OPCML: variants seen among roughly 807,000 people sequenced by gnomAD.
OPCML encodes the protein opioid binding protein/cell adhesion molecule like.
Under a neutral mutation model 37.8 loss-of-function variants are expected in OPCML, and 13 were observed. The observed-to-expected ratio is 0.34, with a 90% CI of 0.22 to 0.55. OPCML has a LOEUF of 0.55. Among genes scored for constraint, OPCML ranks in the 20% least tolerant of loss-of-function variants. OPCML has a pLI of 0.91. For missense variants in OPCML, 341 were observed against 435.6 expected, an observed-to-expected ratio of 0.78 and a Z score of 1.93; for synonymous variants, 176 against 168.8, an observed-to-expected ratio of 1.04 and a Z score of -0.33.
intron 2 of OPCML, among the ~76,000 whole-genome samples, chr11:132,665,441 G>T (rs1243927500): frequency 6.6e-6 from 1 of 152,154 alleles, no homozygotes; most frequent in African/African-American, 2.4e-5. Flanking sequence ...CTGTGCTGAC[G>T]GCAGCTCAGA....
intron 2 of OPCML, among the ~76,000 whole-genome samples, chr11:132,764,052 G>A (rs1946355429): frequency 6.6e-6 from 1 of 152,358 alleles, no homozygotes; most frequent in Middle Eastern, 3.4e-3. Context: ...AAGTGAGTAT[G>A]TTGAGATGTT....
chr11:133,306,438 C>T (rs58770475), intron 1 of OPCML, among the ~76,000 whole-genome samples: 7,385 of 152,224 alleles, frequency 0.049, 203 homozygotes, highest in Middle Eastern at 0.071. Flanking sequence ...GACGCGGTCA[C>T]TCTAAAATTG....
intron 1 of OPCML, among the ~76,000 whole-genome samples, chr11:133,312,977 T>A (rs946145622): frequency 2.0e-5 from 3 of 152,198 alleles, no homozygotes; most frequent in Non-Finnish European, 4.4e-5. Flanking sequence ...GATGGTAACA[T>A]AAATGAATCA....
chr11:132,804,663 T>G (rs1393448511), intron 2 of OPCML, among the ~76,000 whole-genome samples: 1 of 152,154 alleles, frequency 6.6e-6, no homozygotes, highest in African/African-American at 2.4e-5. Flanking sequence ...AGAGCACGAC[T>G]TATGCTAAAC....
At chr11:132,772,893 C>T (rs1423859839) in intron 2 of OPCML, 1 of 152,210 alleles carries the variant, frequency 6.6e-6, no homozygotes, top group African/African-American at 2.4e-5. Context: ...CAAAGCCCAG[C>T]TCAGCTCTCC....
At chr11:133,450,396 A>G (rs747915450) in intron 1 of OPCML, among the ~76,000 whole-genome samples, 2 of 146,700 alleles carry the variant, frequency 1.4e-5, no homozygotes, top group Non-Finnish European at 3.0e-5. Flanking sequence ...GTACAAATCC[A>G]TTTTTTTTTT....
At chr11:133,189,800 T>C (rs1018057499) in intron 1 of OPCML, among the ~76,000 whole-genome samples, 5 of 152,184 alleles carry the variant, frequency 3.3e-5, no homozygotes, top group African/African-American at 1.2e-4. Context: ...AAGGAACCAG[T>C]TGTCTGAGTA....
chr11:132,558,240 T>C (rs1206687854), intron 3 of OPCML, among the ~76,000 whole-genome samples: 1 of 151,092 alleles, frequency 6.6e-6, no homozygotes, highest in African/African-American at 2.4e-5. Flanking sequence ...CCTCTTTTTC[T>C]TCTTCTTCTT....
intron 1 of OPCML, among the ~76,000 whole-genome samples, chr11:133,293,385 C>T (rs1027595736): frequency 5.3e-5 from 8 of 152,120 alleles, no homozygotes; most frequent in African/African-American, 1.4e-4. Context: ...ACATTGACGG[C>T]GAAGTCCATG....
intron 2 of OPCML, among the ~76,000 whole-genome samples, chr11:132,717,494 T>C (rs1169108153): frequency 2.0e-5 from 3 of 151,970 alleles, no homozygotes; most frequent in African/African-American, 4.8e-5. Context: ...GAAACAAACA[T>C]GTATAAAGCA....
intron 2 of OPCML, among the ~76,000 whole-genome samples, chr11:132,885,416 G>A (rs1943371845): frequency 6.6e-6 from 1 of 152,130 alleles, no homozygotes; most frequent in Non-Finnish European, 1.5e-5. Context: ...TACTTTAGCT[G>A]GAGGTCAAGA....
At chr11:133,417,434 G>T (rs1260420493) in intron 1 of OPCML, among the ~76,000 whole-genome samples, 2 of 152,078 alleles carry the variant, frequency 1.3e-5, no homozygotes, top group African/African-American at 4.8e-5. Context: ...CAAGATCACA[G>T]AGCAAGCAAG....
intron 1 of OPCML, among the ~76,000 whole-genome samples, chr11:133,023,778 A>G (rs1011026101): frequency 6.6e-6 from 1 of 152,218 alleles, no homozygotes; most frequent in African/African-American, 2.4e-5. Context: ...AAAGAAAACA[A>G]AAAGCCTGCC....
chr11:133,201,099 G>T (rs1217375080), intron 1 of OPCML, among the ~76,000 whole-genome samples: 1 of 152,106 alleles, frequency 6.6e-6, no homozygotes, highest in East Asian at 1.9e-4. Context: ...TGTATACAAA[G>T]AAAAGAATAA....
chr11:132,795,406 T>G (rs1938245665), intron 2 of OPCML, among the ~76,000 whole-genome samples: 1 of 152,212 alleles, frequency 6.6e-6, no homozygotes, highest in South Asian at 2.1e-4. Flanking sequence ...ATACAATGTT[T>G]CCTAATATAT....
intron 7 of OPCML, 47 bp downstream of exon 7, chr11:132,436,039 C>A (rs1262514485): frequency 6.3e-7 from 1 of 1,589,342 alleles, no homozygotes. Flanking sequence ...GTCCCTCAAG[C>A]TTCCCCATGT....
At chr11:132,453,229 G>C (rs1317734057) in intron 4 of OPCML, among the ~76,000 whole-genome samples, 1 of 152,184 alleles carries the variant, frequency 6.6e-6, no homozygotes, top group Non-Finnish European at 1.5e-5. Context: ...GCAGTGTCTA[G>C]AGACAGTTTT....
At chr11:133,312,742 T>A (rs536785264) in intron 1 of OPCML, among the ~76,000 whole-genome samples, 32 of 152,316 alleles carry the variant, frequency 2.1e-4, no homozygotes, top group Admixed American at 8.5e-4. Context: ...TAGAGTTTTT[T>A]AAAAAGTTCA....
intron 1 of OPCML, among the ~76,000 whole-genome samples, chr11:133,214,355 C>T (rs1366092124): frequency 6.6e-6 from 1 of 152,102 alleles, no homozygotes; most frequent in African/African-American, 2.4e-5. Context: ...TGTATCAACA[C>T]ATGTACTTAT....
Sources: gnomAD v4.1 joint callset for allele counts (sites outside exome capture counted in the v4.1 genomes callset) on GRCh38, gnomAD v4.1.1 for gene constraint, MANE v1.5 for transcripts, NCBI Gene and HGNC (gene_info 2026-07-23, HGNC 2026-07-21) for gene names.